Variants in ACTR10 observed in about 807,000 individuals in gnomAD.
The protein encoded by ACTR10 is actin-related protein 10.
A neutral mutation model predicts 56.2 loss-of-function variants in ACTR10; 43 were observed. That is an observed-to-expected ratio of 0.77 (90% CI 0.60 to 0.99). ACTR10 has a LOEUF of 0.99. Among genes scored for constraint, ACTR10 ranks in the 50% least tolerant of loss-of-function variants. The pLI is 0.00. For synonymous variants in ACTR10, 170 were observed against 176.3 expected, an observed-to-expected ratio of 0.96 and a Z score of 0.28; for missense variants, 466 against 507.8, an observed-to-expected ratio of 0.92 and a Z score of 0.79.
chr14:58,231,978 A>G (rs1410411710), intron 11 of ACTR10, 88 bp from the exon 12 acceptor site: 16 of 742,650 alleles, frequency 2.2e-5, no homozygotes, highest in Non-Finnish European at 2.9e-5. Flanking sequence ...GTATAATAAT[A>G]GTATATTTAT....
chr14:58,222,425 A>C (rs1889295205), intron 8 of ACTR10, among the ~76,000 whole-genome samples: 1 of 152,222 alleles, frequency 6.6e-6, no homozygotes, highest in Non-Finnish European at 1.5e-5. Context: ...ATCATTACAA[A>C]AAGCCCAAAA....
chr14:58,228,506 C>T (rs1486864820), intron 10 of ACTR10, among the ~76,000 whole-genome samples: 1 of 151,814 alleles, frequency 6.6e-6, no homozygotes, highest in African/African-American at 2.4e-5. Context: ...CCTGTAATCA[C>T]ACCTACTTGG....
At chr14:58,226,031 C>G (rs1889389508) in intron 10 of ACTR10, among the ~76,000 whole-genome samples, 1 of 151,704 alleles carries the variant, frequency 6.6e-6, no homozygotes, top group South Asian at 2.1e-4. Flanking sequence ...CACTTGCAAC[C>G]CCAGCACTTT....
At chr14:58,216,349 C>T (rs1452336845) in intron 7 of ACTR10, among the ~76,000 whole-genome samples, 7 of 152,094 alleles carry the variant, frequency 4.6e-5, no homozygotes, top group Non-Finnish European at 7.4e-5. Context: ...AGGCTGGTCT[C>T]GAACTCCTGA....
chr14:58,218,897 C>T (rs1889197878), intron 7 of ACTR10, among the ~76,000 whole-genome samples: 1 of 152,094 alleles, frequency 6.6e-6, no homozygotes, highest in Non-Finnish European at 1.5e-5. Context: ...ATGATCTTGG[C>T]TTACCCCAAA....
chr14:58,221,843 C>G (rs1889279251), intron 8 of ACTR10, among the ~76,000 whole-genome samples: 1 of 151,802 alleles, frequency 6.6e-6, no homozygotes, highest in African/African-American at 2.4e-5. Context: ...ACTTGAACCC[C>G]AGAGGCGGAG....
Position 58,232,056 on chromosome 14 carries a change from T to C in ACTR10, c.871-10T>C. ...AGAATAAATCCTTCTTTTTTTCTTT[T>C]TAATAACAGTGTCCGATAGACACCA... On this transcript the variant is annotated splice_polypyrimidine_tract_variant and intron_variant, in intron 11 of 12. Coordinates refer to ENST00000254286, the MANE Select transcript of ACTR10 (RefSeq NM_018477.3). 6 of 1,594,448 alleles carry C rather than the reference T, an allele frequency of 3.8e-6. No homozygotes were observed. Among genetic ancestry groups the C allele is most frequent in the Non-Finnish European group, 5.1e-6 (6 of 1,170,664 alleles).
At chr14:58,209,756 A>G (rs917361207) in intron 4 of ACTR10, among the ~76,000 whole-genome samples, 4 of 152,210 alleles carry the variant, frequency 2.6e-5, no homozygotes, top group African/African-American at 9.6e-5. Context: ...AATTATTCAA[A>G]TTTTTAAAAA....
intron 5 of ACTR10, among the ~76,000 whole-genome samples, chr14:58,211,971 CT>C (rs71448944): frequency 1.3e-5 from 2 of 149,064 alleles, no homozygotes; most frequent in Admixed American, 6.7e-5. Flanking sequence ...TTTTTCTTTT[CT>C]TTTTTTTTAT....
intron 3 of ACTR10, among the ~76,000 whole-genome samples, chr14:58,208,511 C>G (rs1888919535): frequency 6.6e-6 from 1 of 151,892 alleles, no homozygotes; most frequent in Non-Finnish European, 1.5e-5. Context: ...TTTTACGTGT[C>G]ATAATATTTG....
At chr14:58,208,554 TA>T (rs139201729) in intron 3 of ACTR10, among the ~76,000 whole-genome samples, 3 of 150,376 alleles carry the variant, frequency 2.0e-5, no homozygotes, top group South Asian at 4.2e-4. Flanking sequence ...TATTGTAACC[TA>T]AAAAAAAAGA....
At position 58,232,061 on chromosome 14, in the gene ACTR10, AAC is replaced by A. The variant is rs770817194; in HGVS notation, c.871-3_871-2del. On this transcript the variant is annotated splice_polypyrimidine_tract_variant and splice_region_variant and intron_variant, in intron 11 of 12. Coordinates refer to ENST00000254286, the MANE Select transcript of ACTR10 (RefSeq NM_018477.3). ...AAATCCTTCTTTTTTTCTTTTTAAT[AAC>A]AGTGTCCGATAGACACCAGGAAGCA... The A allele has an allele frequency of 1.3e-6, 2 of 1,598,116 alleles. No individual in the cohort carries two copies. The highest frequency in any genetic ancestry group is 1.7e-6 in the Non-Finnish European group (2 of 1,172,122).
intron 7 of ACTR10, among the ~76,000 whole-genome samples, chr14:58,215,717 G>A (rs1324232314): frequency 5.3e-5 from 8 of 152,012 alleles, no homozygotes; most frequent in Non-Finnish European, 8.8e-5. Context: ...GCATGCTGTT[G>A]ATTCTGAAAT....
intron 6 of ACTR10, among the ~76,000 whole-genome samples, chr14:58,214,025 G>T (rs1012201993): frequency 6.6e-6 from 1 of 152,154 alleles, no homozygotes; most frequent in Non-Finnish European, 1.5e-5. Context: ...AAACAATCCA[G>T]TTATACTCTT....
At chr14:58,229,782 A>G (rs1002328624) in intron 10 of ACTR10, among the ~76,000 whole-genome samples, 10 of 151,792 alleles carry the variant, frequency 6.6e-5, no homozygotes, top group African/African-American at 2.4e-4. Context: ...TTATGTGTGT[A>G]TATATATGTA....
intron 6 of ACTR10, among the ~76,000 whole-genome samples, chr14:58,214,130 A>G (rs1014976600): frequency 1.5e-4 from 23 of 152,012 alleles, no homozygotes; most frequent in African/African-American, 5.6e-4. Context: ...ATTTTTTTGT[A>G]CCCATTAATT....
Position 58,235,209 on chromosome 14 carries a change from T to A in ACTR10, c.*658T>A, listed in dbSNP as rs1889650983. The A allele has an allele frequency of 6.6e-6, 1 of 152,206 alleles. No individual in the cohort carries two copies. The highest frequency in any genetic ancestry group is 1.5e-5 in the Non-Finnish European group (1 of 68,040). 9.4% of individuals were successfully genotyped at this position (152,206 alleles called of 1,614,324 possible). Reference sequence around the variant, plus strand: ...AATTGTGTTTCCAGCAGTTACTCCATTTAAAGCATAAATAGTGTTAACCAT... The same window carrying A: ...AATTGTGTTTCCAGCAGTTACTCCAATTAAAGCATAAATAGTGTTAACCAT... On this transcript the variant is annotated 3_prime_UTR_variant, in exon 13 of 13. Transcript: ENST00000254286.
At chr14:58,221,818 T>A (rs1262333082) in intron 8 of ACTR10, among the ~76,000 whole-genome samples, 1 of 151,980 alleles carries the variant, frequency 6.6e-6, no homozygotes, top group East Asian at 1.9e-4. Context: ...CTTGGGAGGC[T>A]GAGGTAGGAG....
intron 12 of ACTR10, 149 bp downstream of exon 12, chr14:58,232,416 T>C (rs1393255910): frequency 5.3e-6 from 3 of 567,472 alleles, no homozygotes; most frequent in South Asian, 3.0e-5. Context: ...TTTTTTTTTT[T>C]TTTTTTTTTT....
Sources: gnomAD v4.1 joint callset for allele counts (sites outside exome capture counted in the v4.1 genomes callset) on GRCh38, gnomAD v4.1.1 for gene constraint, MANE v1.5 for transcripts, NCBI Gene and HGNC (gene_info 2026-07-23, HGNC 2026-07-21) for gene names.